The following FGGY variants were observed in gnomAD, a reference collection of about 807,000 sequenced individuals.
The protein encoded by FGGY is FGGY carbohydrate kinase domain-containing protein.
A neutral mutation model predicts 71.3 loss-of-function variants in FGGY; 72 were observed. That is an observed-to-expected ratio of 1.01 (90% CI 0.84 to 1.23). The LOEUF (loss-of-function observed/expected upper bound fraction) is 1.23. FGGY is among the 50% of genes most tolerant of loss of function. The probability of loss-of-function intolerance (pLI) is 0.00; values close to 1 mark genes in which losing one functional copy is unlikely to be tolerated. For synonymous variants in FGGY, 251 were observed against 250.3 expected (o/e 1.00, Z -0.02); for missense variants, 668 against 682.3 (o/e 0.98, Z 0.23).
chr1:59,373,615 A>C (rs1164801473), intron 4 of FGGY, among the ~76,000 whole-genome samples: 1 of 152,182 alleles, frequency 6.6e-6, no homozygotes, highest in Non-Finnish European at 1.5e-5. Flanking sequence ...CCTAAGCCAA[A>C]AGAACAAAGC....
At chr1:59,309,265 T>C (rs149399880) in intron 1 of FGGY, among the ~76,000 whole-genome samples, 3 of 152,262 alleles carry the variant, frequency 2.0e-5, no homozygotes, top group Non-Finnish European at 4.4e-5. Flanking sequence ...TTAGTGTTGT[T>C]TTGATTTATA....
chr1:59,555,775 GGATCACCTGA>G (rs1339409552), intron 8 of FGGY, among the ~76,000 whole-genome samples: 1 of 152,134 alleles, frequency 6.6e-6, no homozygotes, highest in Non-Finnish European at 1.5e-5. Flanking sequence ...CGAGGTGGGT[GGATCACCTGA>G]GGTCAAGAGT....
chr1:59,587,639 G>A (rs56303866), intron 8 of FGGY, among the ~76,000 whole-genome samples: 8,494 of 152,168 alleles, frequency 0.056, 482 homozygotes, highest in African/African-American at 0.15. Flanking sequence ...CGCGGTTCAC[G>A]ATAATCCCCT....
At chr1:59,649,304 G>T (rs901344111) in intron 11 of FGGY, among the ~76,000 whole-genome samples, 1 of 143,936 alleles carries the variant, frequency 6.9e-6, no homozygotes, top group African/African-American at 2.7e-5. Context: ...TTGGTAGCTT[G>T]ATGGGGATGG....
chr1:59,611,872 T>C (rs1009911072), intron 9 of FGGY, among the ~76,000 whole-genome samples: 1 of 152,164 alleles, frequency 6.6e-6, no homozygotes, highest in Admixed American at 6.5e-5. Context: ...CAGTAGCCGA[T>C]TTGATCAACT....
chr1:59,395,126 T>C (rs535833921), intron 5 of FGGY, among the ~76,000 whole-genome samples: 2 of 152,240 alleles, frequency 1.3e-5, no homozygotes, highest in South Asian at 4.1e-4. Flanking sequence ...TCTCTCATTG[T>C]AGTGTAATTA....
intron 6 of FGGY, among the ~76,000 whole-genome samples, chr1:59,494,905 T>C (rs1385101091): frequency 6.6e-6 from 1 of 152,182 alleles, no homozygotes; most frequent in African/African-American, 2.4e-5. Flanking sequence ...AGAAGTTCTC[T>C]AAGTTCTTTG....
chr1:59,373,572 G>C (rs1231097343), intron 4 of FGGY, among the ~76,000 whole-genome samples: 5 of 152,006 alleles, frequency 3.3e-5, no homozygotes, highest in Non-Finnish European at 4.4e-5. Flanking sequence ...AGTTCATATG[G>C]AACCAAAAAA....
At chr1:59,494,892 GA>G (rs1308792860) in intron 6 of FGGY, among the ~76,000 whole-genome samples, 6 of 152,104 alleles carry the variant, frequency 3.9e-5, no homozygotes, top group African/African-American at 1.4e-4. Context: ...GGTTCTTTGA[GA>G]AAGAAGTTCT....
intron 5 of FGGY, among the ~76,000 whole-genome samples, chr1:59,386,554 A>G (rs1218703800): frequency 6.8e-6 from 1 of 147,976 alleles, no homozygotes; most frequent in Non-Finnish European, 1.5e-5. Flanking sequence ...ACCCCCCACC[A>G]TATTGTACTT....
intron 4 of FGGY, among the ~76,000 whole-genome samples, chr1:59,349,189 A>G (rs940005639): frequency 1.3e-5 from 2 of 152,150 alleles, no homozygotes; most frequent in Non-Finnish European, 2.9e-5. Context: ...CTGGGCTCCA[A>G]ATCTCAGCTT....
chr1:59,756,426 T>G (rs561755582), intron 14 of FGGY, among the ~76,000 whole-genome samples: 1 of 152,224 alleles, frequency 6.6e-6, no homozygotes, highest in South Asian at 2.1e-4. Flanking sequence ...AGCTAGCAGA[T>G]GAAAGAACCA....
intron 5 of FGGY, among the ~76,000 whole-genome samples, chr1:59,450,346 G>T (rs891701459): frequency 6.6e-6 from 1 of 152,010 alleles, no homozygotes; most frequent in African/African-American, 2.4e-5. Context: ...GCATTGGATT[G>T]TATAAAGATT....
At chr1:59,311,448 T>A (rs1022553557) in intron 1 of FGGY, among the ~76,000 whole-genome samples, 1 of 151,868 alleles carries the variant, frequency 6.6e-6, no homozygotes, top group Non-Finnish European at 1.5e-5. Context: ...TGTGTCCATG[T>A]GATCTCATTG....
At chr1:59,440,094 C>CAAAAAA (rs140279518) in intron 5 of FGGY, among the ~76,000 whole-genome samples, 1 of 125,540 alleles carries the variant, frequency 8.0e-6, no homozygotes. Context: ...TTGCAAGGTT[C>CAAAAAA]AAAAAAAAAA....
At chr1:59,732,813 G>A (rs1023487120) in intron 14 of FGGY, among the ~76,000 whole-genome samples, 15 of 151,838 alleles carry the variant, frequency 9.9e-5, no homozygotes, top group East Asian at 1.9e-4. Flanking sequence ...AACCAGAGAC[G>A]TCACAGGAAC....
chr1:59,546,301 G>A (rs975430703), intron 7 of FGGY, among the ~76,000 whole-genome samples: 8 of 151,766 alleles, frequency 5.3e-5, no homozygotes, highest in African/African-American at 9.7e-5. Context: ...CCAAGCAGTC[G>A]AGTTCCAGTG....
At chr1:59,509,350 C>T (rs2153626473) in intron 6 of FGGY, among the ~76,000 whole-genome samples, 1 of 152,302 alleles carries the variant, frequency 6.6e-6, no homozygotes, top group African/African-American at 2.4e-5. Context: ...ACTATTTTCC[C>T]TAACCCCAGT....
intron 7 of FGGY, among the ~76,000 whole-genome samples, chr1:59,536,319 A>G (rs1409241473): frequency 1.3e-5 from 2 of 152,236 alleles, no homozygotes; most frequent in East Asian, 3.8e-4. Flanking sequence ...ACAGGCTCTG[A>G]AATTGTGTCA....
Sources: allele counts gnomAD v4.1 joint callset (sites outside exome capture counted in the v4.1 genomes callset), GRCh38; gene constraint gnomAD v4.1.1; transcripts MANE v1.5; gene names NCBI Gene and HGNC (gene_info 2026-07-23, HGNC 2026-07-21).